ERBB4: variants seen among roughly 807,000 people sequenced by gnomAD.
The protein encoded by ERBB4 is receptor tyrosine-protein kinase erbB-4.
In ERBB4, 42 loss-of-function variants were observed where a neutral mutation model predicts 158.0. That is an observed-to-expected ratio of 0.27 (90% CI 0.21 to 0.34). ERBB4 has a LOEUF of 0.34. Among genes scored for constraint, ERBB4 ranks in the 10% least tolerant of loss-of-function variants. The pLI is 1.00. For missense variants in ERBB4, 1,333 were observed against 1,624.1 expected, an observed-to-expected ratio of 0.82 and a Z score of 3.08; for synonymous variants, 583 against 558.7, an observed-to-expected ratio of 1.04 and a Z score of -0.61.
At chr2:212,418,475 T>G (rs930727118) in intron 1 of ERBB4, among the ~76,000 whole-genome samples, 8 of 151,346 alleles carry the variant, frequency 5.3e-5, no homozygotes, top group Non-Finnish European at 1.0e-4. Flanking sequence ...TTCACACTAG[T>G]TTTATTGTAA....
intron 1 of ERBB4, among the ~76,000 whole-genome samples, chr2:212,177,870 G>T (rs1055464086): frequency 1.3e-5 from 2 of 151,750 alleles, no homozygotes; most frequent in African/African-American, 2.4e-5. Context: ...AGAAGAGGGG[G>T]TCATGGAGGA....
At chr2:211,506,907 A>G (rs1055178721) in intron 20 of ERBB4, among the ~76,000 whole-genome samples, 1 of 152,152 alleles carries the variant, frequency 6.6e-6, no homozygotes, top group Non-Finnish European at 1.5e-5. Context: ...AAAAAAATCA[A>G]TACAAGGGAT....
intron 3 of ERBB4, among the ~76,000 whole-genome samples, chr2:211,892,050 C>A (rs973220044): frequency 8.3e-6 from 1 of 120,502 alleles, no homozygotes; most frequent in Admixed American, 8.3e-5. Context: ...CTCCCTAACT[C>A]ATTTTATGAG....
intron 1 of ERBB4, among the ~76,000 whole-genome samples, chr2:212,167,413 G>A (rs1338507364): frequency 1.3e-5 from 2 of 152,094 alleles, no homozygotes; most frequent in Non-Finnish European, 2.9e-5. Flanking sequence ...CACTCAGAAT[G>A]CCAATTATTA....
chr2:212,127,006 T>C (rs2079951619), intron 1 of ERBB4, among the ~76,000 whole-genome samples: 1 of 152,164 alleles, frequency 6.6e-6, no homozygotes, highest in Admixed American at 6.5e-5. Flanking sequence ...AAAGTCTGGA[T>C]TTCTAAAGTT....
At chr2:212,505,757 C>A (rs1560504690) in intron 1 of ERBB4, among the ~76,000 whole-genome samples, 1 of 148,820 alleles carries the variant, frequency 6.7e-6, no homozygotes, top group East Asian at 1.9e-4. Flanking sequence ...TACAAGCATG[C>A]CAATGCTTAT....
Position 211,630,608 on chromosome 2 carries a change from TGA to T in ERBB4, c.1947-16_1947-15del. On this transcript the variant is annotated splice_polypyrimidine_tract_variant and intron_variant, in intron 16 of 27. Coordinates refer to ENST00000342788, the MANE Select transcript of ERBB4 (RefSeq NM_005235.3). ...ATCAGGGGAGTTCTGACAACCAGAATGAGAAAAAAAAAAATAAAAAGTATGAA... is the reference window on the plus strand; with the variant it reads ...ATCAGGGGAGTTCTGACAACCAGAATGAAAAAAAAAAATAAAAAGTATGAA... 6.3e-7 allele frequency: 1 copy of T among 1,590,112 alleles called. No homozygotes were observed. Among genetic ancestry groups the T allele is most frequent in the Non-Finnish European group, 8.5e-7 (1 of 1,173,956 alleles).
chr2:212,464,088 G>A lies in ERBB4; in HGVS notation c.82+74361C>T, dbSNP rs191736524. The stretch of plus-strand genomic sequence containing the variant: ...TGACAAGGATTAGTTATGCGTGAGA[G>A]GGTATCAGTAGACCCATGTGGTCTC... On this transcript the variant is annotated intron_variant, in intron 1 of 27. Coordinates refer to ENST00000342788, the MANE Select transcript of ERBB4 (RefSeq NM_005235.3). Among the ~76,000 whole-genome samples the A allele has an allele frequency of 1.5e-3, 222 of 152,210 alleles. 2 individuals are homozygous for A. Among genetic ancestry groups the A allele is most frequent in the Middle Eastern group, 6.8e-3 (2 of 294 alleles).
intron 20 of ERBB4, among the ~76,000 whole-genome samples, chr2:211,463,988 A>G (rs2064606573): frequency 6.6e-6 from 1 of 152,050 alleles, no homozygotes; most frequent in Non-Finnish European, 1.5e-5. Flanking sequence ...TTCTGTTTAT[A>G]GTGTTGTTTC....
intron 1 of ERBB4, among the ~76,000 whole-genome samples, chr2:212,179,977 A>C (rs988588182): frequency 1.3e-5 from 2 of 151,746 alleles, no homozygotes; most frequent in Admixed American, 1.3e-4. Flanking sequence ...GGCATCTAGA[A>C]AACTGGCCTA....
chr2:211,885,007 T>C (rs560041701), intron 3 of ERBB4, among the ~76,000 whole-genome samples: 254 of 152,314 alleles, frequency 1.7e-3, no homozygotes, highest in African/African-American at 5.8e-3. Context: ...ACAAATATCA[T>C]TGTGGGTAAT....
chr2:212,376,584 CAT>C (rs2090329973), intron 1 of ERBB4, among the ~76,000 whole-genome samples: 1 of 152,052 alleles, frequency 6.6e-6, no homozygotes, highest in South Asian at 2.1e-4. Context: ...AATGGGAAAT[CAT>C]TAGGCATCCA....
At chr2:212,338,333 C>A (rs1505353) in intron 1 of ERBB4, among the ~76,000 whole-genome samples, 53,534 of 151,838 alleles carry the variant, frequency 0.35, 11,399 homozygotes, top group East Asian at 0.78. Flanking sequence ...AGTTTTTTCC[C>A]AAAGCATCCC....
chr2:211,751,002 G>A (rs2075115892), intron 4 of ERBB4, among the ~76,000 whole-genome samples: 1 of 152,048 alleles, frequency 6.6e-6, no homozygotes, highest in Non-Finnish European at 1.5e-5. Flanking sequence ...TAGTTAATAA[G>A]TTTCACTTTC....
Position 211,663,305 on chromosome 2 carries a change from T to C in ERBB4, c.1871+2018A>G, listed in dbSNP as rs545002304. Among the ~76,000 whole-genome samples, 10 of 152,268 alleles carry C rather than the reference T, an allele frequency of 6.6e-5. 1 individual carries two copies. Among genetic ancestry groups the C allele is most frequent in the Admixed American group, 5.2e-4 (8 of 15,290 alleles). On this transcript the variant is annotated intron_variant, in intron 15 of 27. Coordinates refer to ENST00000342788, the MANE Select transcript of ERBB4 (RefSeq NM_005235.3). ...AAAAACAGGATGGCAGAAAGCTAAA[T>C]GAAAACAGAGACAAAAATCCTTCAG...
chr2:211,750,261 G>A lies in ERBB4; in HGVS notation c.622+378C>T, dbSNP rs116538309. 6.8e-3 allele frequency among the ~76,000 whole-genome samples: 1,032 copies of A among 152,126 alleles called. 15 individuals carry two copies. The highest frequency in any genetic ancestry group is 0.02 in the Middle Eastern group (6 of 294). On this transcript the variant is annotated intron_variant, in intron 5 of 27. Coordinates refer to ENST00000342788, the MANE Select transcript of ERBB4 (RefSeq NM_005235.3). ...TTTCTTTTTTCTTTCCTCTCCTTTT[G>A]TAATGAATGAATAGTGAAATAACTA...
intron 20 of ERBB4, among the ~76,000 whole-genome samples, chr2:211,518,964 C>T (rs1421400536): frequency 6.6e-6 from 1 of 152,122 alleles, no homozygotes; most frequent in East Asian, 1.9e-4. Flanking sequence ...ACTCAGCCCT[C>T]TCTCTGTCTT....
rs377183174 is a variant in ERBB4 at position 211,649,525 on chromosome 2, C to T, written c.1946+8229G>A. On this transcript the variant is annotated intron_variant, in intron 16 of 27. Transcript: ENST00000342788. ...CTCTGGGATTTGAACTCTCGGATTT[C>T]GGGGTCAGAGATTGAACAAAGGAGT... is the stretch of plus-strand genomic sequence containing the variant. Among the ~76,000 whole-genome samples, 25 of 151,866 alleles carry T rather than the reference C, an allele frequency of 1.6e-4. No individual in the cohort carries two copies. In the East Asian group the frequency reaches 2.9e-3, roughly 18 times the overall value.
intron 3 of ERBB4, among the ~76,000 whole-genome samples, chr2:211,876,843 A>G (rs1042571170): frequency 2.0e-5 from 3 of 152,176 alleles, no homozygotes; most frequent in African/African-American, 7.2e-5. Context: ...ATGTTTTTTT[A>G]TCATGCCAAA....
Sources: gnomAD v4.1 joint callset for allele counts (sites outside exome capture counted in the v4.1 genomes callset) on GRCh38, gnomAD v4.1.1 for gene constraint, MANE v1.5 for transcripts, NCBI Gene and HGNC (gene_info 2026-07-23, HGNC 2026-07-21) for gene names.